Variants in ERBB4 observed in about 807,000 individuals in gnomAD.
ERBB4 encodes receptor tyrosine-protein kinase erbB-4.
In ERBB4, 42 loss-of-function variants were observed where a neutral mutation model predicts 158.0. The ratio of observed to expected loss-of-function variants is 0.27; its 90% CI spans 0.21 to 0.34. ERBB4 has a LOEUF of 0.34. Among genes scored for constraint, ERBB4 ranks in the 10% least tolerant of loss-of-function variants. The pLI, the probability that ERBB4 is intolerant of heterozygous loss-of-function variation, is 1.00. For synonymous variants in ERBB4, 583 were observed against 558.7 expected (o/e 1.04, Z -0.61); for missense variants, 1,333 against 1,624.1 (o/e 0.82, Z 3.08).
intron 1 of ERBB4, among the ~76,000 whole-genome samples, chr2:212,437,343 C>T (rs780504877): frequency 2.2e-4 from 34 of 151,992 alleles, no homozygotes; most frequent in Admixed American, 3.9e-4. Flanking sequence ...TGGTAAAGTT[C>T]TCAGCTGGAG....
intron 3 of ERBB4, among the ~76,000 whole-genome samples, chr2:211,836,409 T>C (rs977760622): frequency 6.6e-6 from 1 of 152,020 alleles, no homozygotes; most frequent in African/African-American, 2.4e-5. Context: ...AGAGCATTCT[T>C]CCCCCAGAAA....
At chr2:211,457,653 C>A (rs564869922) in intron 20 of ERBB4, among the ~76,000 whole-genome samples, 2 of 152,296 alleles carry the variant, frequency 1.3e-5, no homozygotes, top group South Asian at 4.1e-4. Flanking sequence ...AGAACTCTTA[C>A]ATCATGCATG....
chr2:212,508,080 A>G (rs952378593), intron 1 of ERBB4, among the ~76,000 whole-genome samples: 14 of 152,252 alleles, frequency 9.2e-5, no homozygotes, highest in African/African-American at 3.1e-4. Flanking sequence ...CTCCCCCAGC[A>G]AAATGATTAC....
intron 5 of ERBB4, among the ~76,000 whole-genome samples, chr2:211,746,792 C>T (rs13025192): frequency 0.34 from 50,772 of 148,858 alleles, 8,751 homozygotes; most frequent in South Asian, 0.45. Flanking sequence ...ATCGCACCAC[C>T]GCACTCCAGC....
At chr2:211,997,909 TCACAC>T (rs1323921520) in intron 2 of ERBB4, among the ~76,000 whole-genome samples, 1 of 150,436 alleles carries the variant, frequency 6.6e-6, no homozygotes, top group African/African-American at 2.4e-5. Flanking sequence ...CACACACACA[TCACAC>T]ACACACACAC....
intron 1 of ERBB4, among the ~76,000 whole-genome samples, chr2:212,143,825 G>C (rs2080568731): frequency 6.6e-6 from 1 of 151,914 alleles, no homozygotes. Flanking sequence ...AGACTAGCTT[G>C]GCCAATATGG....
chr2:211,860,039 T>C (rs954018168), intron 3 of ERBB4, among the ~76,000 whole-genome samples: 9 of 152,196 alleles, frequency 5.9e-5, no homozygotes, highest in Non-Finnish European at 1.3e-4. Flanking sequence ...AAATGGTGGT[T>C]ATTATACGCC....
chr2:212,183,230 T>A (rs75292107), intron 1 of ERBB4, among the ~76,000 whole-genome samples: 5 of 151,992 alleles, frequency 3.3e-5, no homozygotes, highest in Non-Finnish European at 7.4e-5. Context: ...CACTTGAGGT[T>A]GTAGTAATAA....
chr2:212,456,973 T>G (rs929826790), intron 1 of ERBB4, among the ~76,000 whole-genome samples: 1 of 151,998 alleles, frequency 6.6e-6, no homozygotes, highest in Admixed American at 6.6e-5. Context: ...CCCCAAAGTC[T>G]GCACAGCTCA....
intron 3 of ERBB4, among the ~76,000 whole-genome samples, chr2:211,888,596 G>C (rs933666042): frequency 1.3e-5 from 2 of 152,216 alleles, no homozygotes; most frequent in Non-Finnish European, 2.9e-5. Flanking sequence ...CAGCGTGAGC[G>C]ACGCAGAAGA....
intron 1 of ERBB4, among the ~76,000 whole-genome samples, chr2:212,409,495 G>GA (rs1574865104): frequency 1.3e-5 from 2 of 151,970 alleles, no homozygotes; most frequent in Admixed American, 6.6e-5. Flanking sequence ...ATCTATTTCA[G>GA]AAAAAATACA....
intron 1 of ERBB4, among the ~76,000 whole-genome samples, chr2:212,349,662 G>A (rs1187358157): frequency 6.6e-6 from 1 of 152,084 alleles, no homozygotes; most frequent in Non-Finnish European, 1.5e-5. Flanking sequence ...GATGCAAGAA[G>A]GCTGCTGCAG....
At chr2:211,688,269 A>G (rs186027377) in intron 12 of ERBB4, among the ~76,000 whole-genome samples, 2 of 152,184 alleles carry the variant, frequency 1.3e-5, no homozygotes, top group Non-Finnish European at 1.5e-5. Flanking sequence ...AATATTTCTT[A>G]CAGCGCAGTT....
intron 1 of ERBB4, among the ~76,000 whole-genome samples, chr2:212,162,742 G>A (rs1236930573): frequency 6.6e-6 from 1 of 151,920 alleles, no homozygotes; most frequent in Admixed American, 6.6e-5. Context: ...ACAATAAAAT[G>A]TAATGGTTAA....
chr2:211,644,297 A>G (rs548735491), intron 16 of ERBB4, among the ~76,000 whole-genome samples: 111 of 152,218 alleles, frequency 7.3e-4, no homozygotes, highest in South Asian at 1.7e-3. Context: ...GTTTAGTAAT[A>G]TAACTCCTTT....
chr2:211,451,086 C>T (rs557414962), intron 20 of ERBB4, among the ~76,000 whole-genome samples: 7 of 152,144 alleles, frequency 4.6e-5, no homozygotes, highest in African/African-American at 1.2e-4. Flanking sequence ...CACACGTAAG[C>T]AATAAACAAA....
chr2:212,425,749 A>G (rs928284485), intron 1 of ERBB4, among the ~76,000 whole-genome samples: 14 of 151,996 alleles, frequency 9.2e-5, no homozygotes, highest in African/African-American at 3.4e-4. Context: ...CTATCAATGA[A>G]CAACATCTTT....
chr2:211,689,198 G>T (rs567852377), intron 12 of ERBB4, among the ~76,000 whole-genome samples: 1 of 152,216 alleles, frequency 6.6e-6, no homozygotes, highest in East Asian at 1.9e-4. Flanking sequence ...CAGCATAAAT[G>T]GAATCTGTTT....
At chr2:212,018,393 C>A (rs891004311) in intron 2 of ERBB4, among the ~76,000 whole-genome samples, 5 of 152,180 alleles carry the variant, frequency 3.3e-5, no homozygotes, top group African/African-American at 1.2e-4. Flanking sequence ...TTAATGATAT[C>A]AAAATATTGA....
Sources: gnomAD v4.1 joint callset for allele counts (sites outside exome capture counted in the v4.1 genomes callset) on GRCh38, gnomAD v4.1.1 for gene constraint, MANE v1.5 for transcripts, NCBI Gene and HGNC (gene_info 2026-07-23, HGNC 2026-07-21) for gene names.